Variants in PILRA observed in about 807,000 individuals in gnomAD.
PILRA encodes paired immunoglobulin-like type 2 receptor alpha.
PILRA carries 37 observed loss-of-function variants against 33.1 expected under a neutral mutation model. That is an observed-to-expected ratio of 1.12 (90% CI 0.86 to 1.47). The LOEUF is 1.47. Among genes scored for constraint, PILRA ranks in the 40% most tolerant of loss-of-function variants. The pLI, the probability that PILRA is intolerant of heterozygous loss-of-function variation, is 0.00. For synonymous variants in PILRA, 146 were observed against 149.9 expected (o/e 0.97, Z 0.19); for missense variants, 312 against 376.2 (o/e 0.83, Z 1.41).
Position 100,374,380 on chromosome 7 carries a change from C to T in PILRA, c.401C>T (p.Ser134Leu). The T allele has an allele frequency of 6.2e-7, 1 of 1,614,108 alleles. No individual in the cohort carries two copies. The highest frequency in any genetic ancestry group is 8.5e-7 in the Non-Finnish European group (1 of 1,180,004). Residue 134 changes from serine to leucine, a missense_variant, in exon 2 of 7, where the codon TCA becomes TTA. Transcript: ENST00000198536. ...CGAGTTGAGCTGGACACACGGAGCT[C>T]AGGGAGGCAGCAGTGGCAGTCCATC... is the stretch of plus-strand genomic sequence containing the variant. ...FCRVELDTRS[S>L]GRQQWQSIEG...
In PILRA at chr7:100,373,554, G is replaced by A; in HGVS notation, c.-103G>A. On this transcript the variant is annotated 5_prime_UTR_variant, in exon 1 of 7. Transcript: ENST00000198536. Reference sequence around the variant, plus strand: ...CAGCCCTCTTCGGAGCCTGAGCCCGGCTCTCCTCACTCACCTCAACCCCCA... The same window carrying A: ...CAGCCCTCTTCGGAGCCTGAGCCCGACTCTCCTCACTCACCTCAACCCCCA... 3 of 1,341,788 alleles carry A rather than the reference G, an allele frequency of 2.2e-6. No individual in the cohort carries two copies. The highest frequency in any genetic ancestry group is 1.7e-5 in the Admixed American group (1 of 59,154). The allele number at this position is 1,341,788 out of a possible 1,614,324, so 83.1% of individuals were successfully genotyped here.
intron 3 of PILRA, 99 bp from the exon 4 acceptor site, chr7:100,397,780 C>T: frequency 7.9e-7 from 1 of 1,268,156 alleles, no homozygotes; most frequent in African/African-American, 1.5e-5. Flanking sequence ...TGCTCCGGTC[C>T]CTCTAAGGAG....
chr7:100,381,139 A>G (rs1791082828), intron 2 of PILRA, among the ~76,000 whole-genome samples: 1 of 151,734 alleles, frequency 6.6e-6, no homozygotes, highest in Non-Finnish European at 1.5e-5. Flanking sequence ...GGTGGCGGGC[A>G]CCTGTAGTCC....
intron 2 of PILRA, among the ~76,000 whole-genome samples, chr7:100,378,050 C>T (rs1790994736): frequency 6.6e-6 from 1 of 152,078 alleles, no homozygotes; most frequent in Non-Finnish European, 1.5e-5. Flanking sequence ...TTACTCCTTC[C>T]TCAAAAACTT....
chr7:100,378,290 T>C (rs1258566424), intron 2 of PILRA, among the ~76,000 whole-genome samples: 7 of 152,200 alleles, frequency 4.6e-5, no homozygotes, highest in Middle Eastern at 6.8e-3. Flanking sequence ...AGGTTGGGGC[T>C]GCAATGAGCT....
At chr7:100,371,593 C>G (rs1165049064), upstream of PILRA, among the ~76,000 whole-genome samples, 1 of 152,078 alleles carries the variant, frequency 6.6e-6, no homozygotes, top group Non-Finnish European at 1.5e-5. Context: ...GGTACTTACC[C>G]CCTCCCTGCC....
intron 2 of PILRA, chr7:100,374,806 G>A (rs1465066861): frequency 3.2e-6 from 1 of 316,932 alleles, no homozygotes; most frequent in Non-Finnish European, 6.2e-6. Flanking sequence ...TGGCTCACCC[G>A]CTCTTTGTCA....
intron 2 of PILRA, among the ~76,000 whole-genome samples, chr7:100,386,112 C>G (rs570919102): frequency 6.6e-6 from 1 of 152,096 alleles, no homozygotes; most frequent in African/African-American, 2.4e-5. Context: ...GTAGTTTCAC[C>G]AAGTTGGCCA....
intron 2 of PILRA, among the ~76,000 whole-genome samples, chr7:100,383,705 T>A (rs1316712094): frequency 6.6e-6 from 1 of 151,870 alleles, no homozygotes. Flanking sequence ...AGCATGGTCT[T>A]CGGTCACTGA....
intron 2 of PILRA, among the ~76,000 whole-genome samples, chr7:100,384,104 G>A (rs1048060388): frequency 2.0e-5 from 3 of 152,098 alleles, no homozygotes; most frequent in Non-Finnish European, 4.4e-5. Flanking sequence ...TTGAAGACAG[G>A]GCAGACAGGA....
In PILRA at chr7:100,397,910, C is replaced by T. The variant is rs1791533058; in HGVS notation, c.705C>T (p.Ala235=). 1.2e-6 allele frequency: 2 copies of T among 1,613,946 alleles called. No homozygotes were observed. Among genetic ancestry groups the T allele is most frequent in the African/African-American group, 1.3e-5 (1 of 75,042 alleles). Residue 235 remains alanine (A), a splice_region_variant and synonymous_variant, in exon 4 of 7, where the codon GCC becomes GCT. Transcript: ENST00000198536. ...GQQRTKATTP[A]REPFQNTEEP... ...AGCGGACTAAAGCCACAACCCCAGC[C>T]AGGTGAGTGCTGGGCCTCCCCAGGG...
chr7:100,374,354 C>A lies in PILRA; in HGVS notation c.375C>A (p.Cys125Ter). The stretch of plus-strand genomic sequence containing the variant: ...AGCAGGACCAGTCTGTGTATTTCTG[C>A]CGAGTTGAGCTGGACACACGGAGCT... Reference protein sequence around the residue: ...LQKQDQSVYFCRVELDTRSSG... With the variant: ...LQKQDQSVYF The change falls in exon 2 of 7, where the codon TGC becomes TGA. Residue 125 changes from cysteine to a stop codon, truncating the protein, a stop_gained. Coordinates refer to ENST00000198536, the MANE Select transcript of PILRA (RefSeq NM_013439.3). LOFTEE classifies it high-confidence loss of function. 1 of 1,614,098 alleles carries A rather than the reference C, an allele frequency of 6.2e-7. No homozygotes were observed.
chr7:100,380,703 C>T (rs149683912), intron 2 of PILRA, among the ~76,000 whole-genome samples: 8 of 152,236 alleles, frequency 5.3e-5, no homozygotes, highest in East Asian at 3.9e-4. Flanking sequence ...TGATAGTTCA[C>T]GTCTGTAATC....
intron 2 of PILRA, among the ~76,000 whole-genome samples, chr7:100,384,219 G>T (rs1332379712): frequency 1.3e-5 from 2 of 151,948 alleles, no homozygotes; most frequent in Admixed American, 1.3e-4. Context: ...TTTACTGAGT[G>T]GGGGAAACGG....
intron 6 of PILRA, 51 bp downstream of exon 6, chr7:100,399,663 G>A (rs1791609458): frequency 1.2e-6 from 2 of 1,613,046 alleles, no homozygotes; most frequent in Admixed American, 1.7e-5. Flanking sequence ...CCTGGAGAAG[G>A]TGGGGTGGAA....
chr7:100,399,313 G>T lies in PILRA; in HGVS notation c.730G>T (p.Glu244Ter). Reference sequence around the variant, plus strand: ...CAGGGAACCCTTCCAAAACACAGAGGAGCCATATGAGAATATCAGGAATGA... The same window carrying T: ...CAGGGAACCCTTCCAAAACACAGAGTAGCCATATGAGAATATCAGGAATGA... Reference protein sequence around the residue: ...PAREPFQNTEEPYENIRNEGQ... With the variant: ...PAREPFQNTE Residue 244 changes from glutamate to a stop codon, truncating the protein, a stop_gained, in exon 5 of 7, where the codon GAG (glutamate) becomes TAG (stop). Transcript: ENST00000198536. LOFTEE classifies it high-confidence loss of function. 6.2e-7 allele frequency: 1 copy of T among 1,612,648 alleles called. No individual in the cohort carries two copies. Among genetic ancestry groups the T allele is most frequent in the South Asian group, 1.1e-5 (1 of 91,006 alleles).
At position 100,373,677 on chromosome 7, in the gene PILRA, G is replaced by A. The variant is rs779477612; in HGVS notation, c.21G>A (p.Leu7=). The A allele has an allele frequency of 8.1e-6, 13 of 1,613,156 alleles. No homozygotes were observed. The highest frequency in any genetic ancestry group is 1.1e-5 in the Non-Finnish European group (13 of 1,179,732). Residue 7 remains leucine (L), a synonymous_variant, in exon 1 of 7, where the codon CTG becomes CTA. Transcript: ENST00000198536. MGRPLL[L]PLLPLLLPPA... is the part of the protein sequence containing the mutation. ...AGGCCATGGGTCGGCCCCTGCTGCT[G>A]CCCCTACTGCCCTTGCTGCTGCCGC...
chr7:100,380,510 AAAGGGCTGGGCGTGGTG>A (rs1401943683), intron 2 of PILRA, among the ~76,000 whole-genome samples: 29 of 152,182 alleles, frequency 1.9e-4, no homozygotes, highest in African/African-American at 6.8e-4. Context: ...AAATTCCATT[AAAGGGCTGGGCGTGGTG>A]GCTCATGCCT....
chr7:100,399,478 G>A (rs1791599317), intron 5 of PILRA, 103 bp from the exon 6 acceptor site: 2 of 1,456,704 alleles, frequency 1.4e-6, no homozygotes, highest in Admixed American at 3.3e-5. Flanking sequence ...CGTGACCCTG[G>A]CCCTGACCTA....
Sources: gnomAD v4.1 joint callset for allele counts (sites outside exome capture counted in the v4.1 genomes callset) on GRCh38, gnomAD v4.1.1 for gene constraint, MANE v1.5 for transcripts, NCBI Gene and HGNC (gene_info 2026-07-23, HGNC 2026-07-21) for gene names.